ANO10: variants seen among roughly 807,000 people sequenced by gnomAD.
ANO10 encodes the protein anoctamin 10.
ANO10 carries 77 observed loss-of-function variants against 74.7 expected under a neutral mutation model. That is an observed-to-expected ratio of 1.03 (90% CI 0.86 to 1.25). The LOEUF (loss-of-function observed/expected upper bound fraction) is 1.25. Ranked by LOEUF, ANO10 falls within the 50% of genes most tolerant of loss-of-function variation. ANO10 has a pLI of 0.00. For missense variants in ANO10, 721 were observed against 778.1 expected (o/e 0.93, Z 0.87); for synonymous variants, 279 against 284.9 (o/e 0.98, Z 0.21).
At chr3:43,621,173 G>A (rs1361922450) in intron 1 of ANO10, among the ~76,000 whole-genome samples, 3 of 152,078 alleles carry the variant, frequency 2.0e-5, no homozygotes, top group Admixed American at 6.5e-5. Context: ...CCGTCCTGCT[G>A]GAATATAAGG....
intron 1 of ANO10, among the ~76,000 whole-genome samples, chr3:43,671,127 T>C (rs548383059): frequency 6.6e-6 from 1 of 152,356 alleles, no homozygotes; most frequent in African/African-American, 2.4e-5. Context: ...TAAAGATCAA[T>C]GGACTTAATT....
At chr3:43,409,943 C>A (rs187412941) in intron 12 of ANO10, among the ~76,000 whole-genome samples, 80 of 152,094 alleles carry the variant, frequency 5.3e-4, no homozygotes, top group African/African-American at 1.7e-3. Context: ...CAGTATTATT[C>A]CTGAAGACCC....
intron 1 of ANO10, chr3:43,638,798 G>T (rs2083639650): frequency 6.6e-6 from 1 of 152,226 alleles, no homozygotes; most frequent in South Asian, 2.1e-4. Context: ...TACCACTCCT[G>T]TTGAACATAT....
chr3:43,532,609 T>C (rs893808831), intron 11 of ANO10, among the ~76,000 whole-genome samples: 1 of 152,206 alleles, frequency 6.6e-6, no homozygotes, highest in African/African-American at 2.4e-5. Context: ...TATTGTTTTA[T>C]GAATTTTAAT....
intron 6 of ANO10, 56 bp downstream of exon 6, chr3:43,576,636 C>T (rs2081006558): frequency 6.4e-7 from 1 of 1,568,880 alleles, no homozygotes. Flanking sequence ...ATCCCATGAT[C>T]TAGGCAACAT....
intron 1 of ANO10, among the ~76,000 whole-genome samples, chr3:43,678,282 T>C (rs1392724812): frequency 6.6e-6 from 1 of 152,238 alleles, no homozygotes; most frequent in Non-Finnish European, 1.5e-5. Context: ...TTCTACTGAA[T>C]GTGTATTGCT....
At chr3:43,436,431 T>C (rs958355378) in intron 11 of ANO10, among the ~76,000 whole-genome samples, 6 of 152,032 alleles carry the variant, frequency 3.9e-5, no homozygotes, top group African/African-American at 1.2e-4. Context: ...TCTTTTACAG[T>C]AAAACTCACA....
chr3:43,572,539 G>C (rs1009304784), intron 7 of ANO10, among the ~76,000 whole-genome samples: 1 of 152,158 alleles, frequency 6.6e-6, no homozygotes, highest in African/African-American at 2.4e-5. Context: ...AGTCTGGCCT[G>C]GGAAGCATCT....
chr3:43,691,147 C>T (rs564072923), intron 1 of ANO10: 2 of 1,143,604 alleles, frequency 1.7e-6, no homozygotes, highest in African/African-American at 1.6e-5. Flanking sequence ...CGCCTGGCGA[C>T]GACGGGCGGC....
intron 9 of ANO10, among the ~76,000 whole-genome samples, chr3:43,556,754 A>G (rs2079770452): frequency 6.6e-6 from 1 of 152,244 alleles, no homozygotes; most frequent in African/African-American, 2.4e-5. Context: ...TACTAAAAAC[A>G]CGGAACAAAC....
chr3:43,543,395 T>C (rs1356838844), intron 11 of ANO10, among the ~76,000 whole-genome samples: 1 of 152,078 alleles, frequency 6.6e-6, no homozygotes, highest in African/African-American at 2.4e-5. Context: ...TTTCTTTTCT[T>C]TTTTATTTTT....
intron 11 of ANO10, among the ~76,000 whole-genome samples, chr3:43,438,574 G>A (rs1218732697): frequency 1.3e-5 from 2 of 151,768 alleles, no homozygotes; most frequent in Non-Finnish European, 2.9e-5. Context: ...GTGAAACCCC[G>A]TCTCTGCTAA....
intron 1 of ANO10, among the ~76,000 whole-genome samples, chr3:43,651,665 T>C (rs1403421445): frequency 6.6e-6 from 1 of 152,198 alleles, no homozygotes; most frequent in Non-Finnish European, 1.5e-5. Context: ...TCTTAACTCA[T>C]TGGATTTTAA....
chr3:43,600,329 A>G (rs561953663), intron 3 of ANO10, 55 bp downstream of exon 3: 1 of 1,596,342 alleles, frequency 6.3e-7, no homozygotes, highest in Non-Finnish European at 8.6e-7. Context: ...TCTATTCATC[A>G]TAAACTTCTT....
chr3:43,504,262 G>T (rs1157404307), intron 11 of ANO10, among the ~76,000 whole-genome samples: 2 of 150,550 alleles, frequency 1.3e-5, no homozygotes, highest in Non-Finnish European at 3.0e-5. Context: ...GTAAAACTCC[G>T]CCTCAAAAAA....
chr3:43,440,045 C>T (rs2093136506), intron 11 of ANO10, among the ~76,000 whole-genome samples: 1 of 147,472 alleles, frequency 6.8e-6, no homozygotes, highest in Non-Finnish European at 1.5e-5. Context: ...TAAAAAAACA[C>T]AAAAAAGAAA....
At chr3:43,400,955 CT>C (rs987091828) in intron 12 of ANO10, among the ~76,000 whole-genome samples, 13 of 152,254 alleles carry the variant, frequency 8.5e-5, no homozygotes, top group African/African-American at 3.1e-4. Context: ...GTGTCAAGAA[CT>C]TTTTTTCCCT....
Position 43,472,223 on chromosome 3 carries a change from T to C in ANO10, c.1798-39496A>G, listed in dbSNP as rs142388450. ...GTAGGGAGAGAGAACAGATTAGTGG[T>C]TAAGGGTAGGGAGAGAGTTTGACAA... On this transcript the variant is annotated intron_variant, in intron 11 of 12. Coordinates refer to ENST00000292246, the MANE Select transcript of ANO10 (RefSeq NM_018075.5). 7.9e-5 allele frequency among the ~76,000 whole-genome samples: 12 copies of C among 152,200 alleles called. No individual in the cohort carries two copies. The East Asian group carries it at 1.9e-3, about 24-fold the overall frequency.
At chr3:43,545,709 C>T (rs772624899) in intron 11 of ANO10, among the ~76,000 whole-genome samples, 3 of 151,960 alleles carry the variant, frequency 2.0e-5, no homozygotes, top group Non-Finnish European at 4.4e-5. Context: ...TCTTTTTTTC[C>T]AGCTTTATAG....
Sources: gnomAD v4.1 joint callset for allele counts (sites outside exome capture counted in the v4.1 genomes callset) on GRCh38, gnomAD v4.1.1 for gene constraint, MANE v1.5 for transcripts, NCBI Gene and HGNC (gene_info 2026-07-23, HGNC 2026-07-21) for gene names.